The following AGXT variants were observed in gnomAD, a reference collection of about 807,000 sequenced individuals.
The protein encoded by AGXT is L-alanine: glyoxylate aminotransferase 1.
In AGXT, 41 loss-of-function variants were observed where a neutral mutation model predicts 46.9. That is an observed-to-expected ratio of 0.88 (90% confidence interval 0.68 to 1.14). The LOEUF is 1.14. Ranked by LOEUF, AGXT falls within the 50% of genes most tolerant of loss-of-function variation. The probability of loss-of-function intolerance (pLI) is 0.00; values close to 1 mark genes in which losing one functional copy is unlikely to be tolerated. For synonymous variants in AGXT, 244 were observed against 227.9 expected (o/e 1.07, Z -0.64); for missense variants, 525 against 522.7 (o/e 1.00, Z -0.04).
intron 8 of AGXT, 194 bp from the exon 9 acceptor site, chr2:240,877,339 GTCTC>G: frequency 4.3e-6 from 3 of 700,364 alleles, no homozygotes; most frequent in African/African-American, 1.7e-5. Flanking sequence ...ACCCTCCTCT[GTCTC>G]TCCCAGACCC....
At chr2:240,877,477 G>A in intron 8 of AGXT, 60 bp from the exon 9 acceptor site, 1 of 1,443,832 alleles carries the variant, frequency 6.9e-7, no homozygotes, top group Middle Eastern at 1.8e-4. Context: ...CACCACAGAG[G>A]GCGGGGCTTC....
Position 240,875,328 on chromosome 2 carries a change from T to A in AGXT, c.776+124T>A. On this transcript the variant is annotated intron_variant, in intron 7 of 10. Transcript: ENST00000307503. ...ACCTTCATGCCTCAAGAACCCCAACTAGAGCCCCAGAATCCGCCTGCATCA... is the reference window on the plus strand; with the variant it reads ...ACCTTCATGCCTCAAGAACCCCAACAAGAGCCCCAGAATCCGCCTGCATCA... The A allele has an allele frequency of 1.9e-5, 15 of 807,226 alleles. No individual in the cohort carries two copies. The South Asian group carries it at 2.2e-4, about 12-fold the overall frequency. The allele number at this position is 807,226 out of a possible 1,614,324, so 50.0% of individuals were successfully genotyped here.
intron 2 of AGXT, 108 bp downstream of exon 2, chr2:240,869,470 C>CAGGA: frequency 1.5e-6 from 2 of 1,321,862 alleles, no homozygotes; most frequent in Non-Finnish European, 2.0e-6. Flanking sequence ...AGCGCTTACC[C>CAGGA]ACCTTGTGGC....
chr2:240,870,793 A>G, intron 3 of AGXT, 85 bp downstream of exon 3: 2 of 1,353,050 alleles, frequency 1.5e-6, no homozygotes, highest in East Asian at 2.5e-5. Flanking sequence ...TTGGCCAGCC[A>G]GCAGGGTGGG....
intron 5 of AGXT, 131 bp downstream of exon 5, chr2:240,873,180 A>G: frequency 1.3e-6 from 1 of 762,332 alleles, no homozygotes; most frequent in South Asian, 1.6e-5. Flanking sequence ...AGGCCCAGGG[A>G]AACACTCACT....
rs2058978823 is a variant in AGXT at position 240,869,317 on chromosome 2, A to C, written c.313A>C (p.Asn105His). ...EPGDSFLVGANGIWGQRAVDI... is the reference protein window; with the variant it reads ...EPGDSFLVGAHGIWGQRAVDI... ...TGGGGACTCCTTCCTGGTTGGGGCC[A>C]ATGGCATTTGGGGGCAGCGAGCCGT... Residue 105 changes from asparagine (N) to histidine (H), a missense_variant, in exon 2 of 11, where the codon AAT (asparagine) becomes CAT (histidine). Transcript: ENST00000307503. 6.2e-7 allele frequency: 1 copy of C among 1,611,222 alleles called. No individual in the cohort carries two copies. Among genetic ancestry groups the C allele is most frequent in the African/African-American group, 1.3e-5 (1 of 74,908 alleles).
intron 2 of AGXT, 112 bp from the exon 3 acceptor site, chr2:240,870,532 G>C (rs755157908): frequency 7.7e-7 from 1 of 1,290,638 alleles, no homozygotes; most frequent in Non-Finnish European, 1.1e-6. Flanking sequence ...AGGGTGCCAC[G>C]GTGGGTGGGG....
chr2:240,879,893 A>G lies in AGXT; in HGVS notation c.*1072A>G, dbSNP rs981946643. ...TTCACTTACTGTTTTTGACACTCAC[A>G]TGTACCGTCGTGGGCGCCGGTGTGT... On this transcript the variant is annotated 3_prime_UTR_variant, in exon 11 of 11. Coordinates refer to ENST00000307503, the MANE Select transcript of AGXT (RefSeq NM_000030.3). 3 of 152,060 alleles carry G rather than the reference A, an allele frequency of 2.0e-5. No individual in the cohort carries two copies. Among genetic ancestry groups the G allele is most frequent in the Admixed American group, 2.0e-4 (3 of 15,270 alleles). The allele number at this position is 152,060 out of a possible 1,614,324, so 9.4% of individuals were successfully genotyped here. A position where few individuals can be genotyped will look rare whatever the true frequency, so the allele number is the denominator to read the frequency against.
intron 3 of AGXT, 50 bp downstream of exon 3, chr2:240,870,758 A>C: frequency 6.5e-7 from 1 of 1,528,224 alleles, no homozygotes. Flanking sequence ...GGGAGTGGGC[A>C]TGCTGGCTCA....
chr2:240,871,483 C>T, intron 4 of AGXT, 34 bp downstream of exon 4: 2 of 1,538,164 alleles, frequency 1.3e-6, no homozygotes, highest in Admixed American at 1.9e-5. Flanking sequence ...GACTGGAGCA[C>T]AGCTCAGAGC....
rs778221158 is a variant in AGXT at position 240,871,114 on chromosome 2, A to G, written c.424-235A>G. ...CATCTAGCAACAGCCCTCACAGGCC[A>G]GGCAACAGGCTGGGGGCACCCTCCT... On this transcript the variant is annotated intron_variant, in intron 3 of 10. Coordinates refer to ENST00000307503, the MANE Select transcript of AGXT (RefSeq NM_000030.3). The G allele has an allele frequency of 1.8e-4, 106 of 604,378 alleles. 1 individual carries two copies. Among genetic ancestry groups the G allele is most frequent in the Non-Finnish European group, 2.9e-4 (96 of 336,734 alleles). 37.4% of individuals were successfully genotyped at this position (604,378 alleles called of 1,614,324 possible). A position where few individuals can be genotyped will look rare whatever the true frequency, so the allele number is the denominator to read the frequency against.
Position 240,878,889 on chromosome 2 carries a change from C to T in AGXT, c.*68C>T. ...CATGCCCACCCTGAGGGATCAGGAG[C>T]AAACAGACCCTGCAAGGTCCTCCAG... is the stretch of plus-strand genomic sequence containing the variant. On this transcript the variant is annotated 3_prime_UTR_variant, in exon 11 of 11. Coordinates refer to ENST00000307503, the MANE Select transcript of AGXT (RefSeq NM_000030.3). The T allele has an allele frequency of 1.4e-6, 2 of 1,449,816 alleles. No individual in the cohort carries two copies. Among genetic ancestry groups the T allele is most frequent in the Non-Finnish European group, 1.9e-6 (2 of 1,062,292 alleles). 89.8% of individuals were successfully genotyped at this position (1,449,816 alleles called of 1,614,324 possible).
chr2:240,870,560 C>G (rs1323450922), intron 2 of AGXT, 84 bp from the exon 3 acceptor site: 1 of 1,499,660 alleles, frequency 6.7e-7, no homozygotes, highest in Non-Finnish European at 9.1e-7. Flanking sequence ...CTCACAGGGC[C>G]CTGCTCAGCA....
chr2:240,874,641 C>T (rs1001624501), intron 6 of AGXT, among the ~76,000 whole-genome samples: 1 of 152,204 alleles, frequency 6.6e-6, no homozygotes, highest in African/African-American at 2.4e-5. Flanking sequence ...CCAGCTGGAC[C>T]ACACGGGAGG....
intron 2 of AGXT, among the ~76,000 whole-genome samples, chr2:240,869,672 C>A (rs2058980867): frequency 6.6e-6 from 1 of 152,132 alleles, no homozygotes; most frequent in South Asian, 2.1e-4. Context: ...CTCCTGAGAG[C>A]CCCGGCCGCT....
chr2:240,871,409 GT>G lies in AGXT; in HGVS notation c.485del (p.Val162GlyfsTer50). ...AACCCACGGGGAGTCGTCCACCGGC[GT>G]GCTGCAGCCCCTTGATGGCTTCGGG... ...FLTHGESSTG[V>X]LQPLDGFGEL... On this transcript the variant is annotated frameshift_variant, in exon 4 of 11. Transcript: ENST00000307503. LOFTEE classifies it high-confidence loss of function. 2.5e-6 allele frequency: 4 copies of G among 1,600,332 alleles called. No homozygotes were observed. Among genetic ancestry groups the G allele is most frequent in the Non-Finnish European group, 3.4e-6 (4 of 1,174,102 alleles).
chr2:240,880,083 G>A lies in AGXT; in HGVS notation c.*1262G>A, dbSNP rs1248476251. ...ATTTTGGGGCTGTTATGAATACGGA[G>A]GTAGTGAAATTCTTACTCAAGCCTT... On this transcript the variant is annotated 3_prime_UTR_variant, in exon 11 of 11. Transcript: ENST00000307503. The A allele has an allele frequency of 6.6e-6, 1 of 152,216 alleles. No individual in the cohort carries two copies. The highest frequency in any genetic ancestry group is 2.4e-5 in the African/African-American group (1 of 41,450). The allele number at this position is 152,216 out of a possible 1,614,324, so 9.4% of individuals were successfully genotyped here.
intron 3 of AGXT, 105 bp downstream of exon 3, chr2:240,870,813 G>C: frequency 8.6e-7 from 1 of 1,166,984 alleles, no homozygotes. Context: ...GATCATGGCC[G>C]GGAGGCTGGT....
At chr2:240,872,788 G>A (rs189472375) in intron 4 of AGXT, among the ~76,000 whole-genome samples, 191 bp from the exon 5 acceptor site, 7 of 152,252 alleles carry the variant, frequency 4.6e-5, no homozygotes, top group Admixed American at 4.6e-4. Context: ...GCTGAGAAAG[G>A]AAGAGCCACA....
Sources: allele counts gnomAD v4.1 joint callset (sites outside exome capture counted in the v4.1 genomes callset), GRCh38; gene constraint gnomAD v4.1.1; transcripts MANE v1.5; gene names NCBI Gene and HGNC (gene_info 2026-07-23, HGNC 2026-07-21).